Variants in APPL2 observed in about 807,000 individuals in gnomAD.
APPL2 encodes adaptor protein, phosphotyrosine interacting with PH domain and leucine zipper 2, also known as DCC-interacting protein 13-beta.
In APPL2, 84 loss-of-function variants were observed where a neutral mutation model predicts 92.7. The observed-to-expected ratio is 0.91, with a 90% CI of 0.76 to 1.09. The LOEUF (loss-of-function observed/expected upper bound fraction) is 1.09, where lower values mean the gene tolerates loss of function less well. APPL2 is among the 50% of genes least tolerant of loss of function. The pLI is 0.00. For synonymous variants in APPL2, 291 were observed against 291.0 expected (o/e 1.00, Z 0.00); for missense variants, 736 against 824.5 (o/e 0.89, Z 1.31).
At chr12:105,233,078 G>C in intron 1 of APPL2, 1 of 985,042 alleles carries the variant, frequency 1.0e-6, no homozygotes, top group Non-Finnish European at 1.2e-6. Context: ...TACCTCAAAA[G>C]TGTACTACTT....
At chr12:105,216,061 T>G (rs1889662291) in intron 4 of APPL2, among the ~76,000 whole-genome samples, 1 of 152,218 alleles carries the variant, frequency 6.6e-6, no homozygotes, top group South Asian at 2.1e-4. Flanking sequence ...TATTTATATC[T>G]ACCTAATTTT....
rs942223763 is a variant in APPL2, at chr12:105,174,881, G to T, written c.1861-433C>A. ...CTGCTGCTGCTTTTTTTTGGTGGGG[G>T]GGGGGGTGGTGCGGCGGTTGGAGAC... On this transcript the variant is annotated intron_variant, in intron 20 of 20. Coordinates refer to ENST00000258530, the MANE Select transcript of APPL2 (RefSeq NM_018171.5). 7.1e-5 allele frequency among the ~76,000 whole-genome samples: 10 copies of T among 140,698 alleles called. 1 individual carries two copies. The highest frequency in any genetic ancestry group is 1.4e-4 in the Admixed American group (2 of 14,202). The allele number at this position is 140,698 out of a possible 152,430, so 92.3% of individuals were successfully genotyped here.
intron 10 of APPL2, among the ~76,000 whole-genome samples, chr12:105,198,444 C>T (rs998258764): frequency 3.9e-5 from 6 of 152,142 alleles, no homozygotes; most frequent in Non-Finnish European, 8.8e-5. Flanking sequence ...AATCTAGTTC[C>T]TGGCAAATAA....
At chr12:105,206,698 C>T (rs747227652) in intron 8 of APPL2, among the ~76,000 whole-genome samples, 1 of 152,086 alleles carries the variant, frequency 6.6e-6, no homozygotes, top group Non-Finnish European at 1.5e-5. Context: ...CAAGGAGTGC[C>T]GGGAATCCTG....
rs575598086 is a variant in APPL2, at chr12:105,176,447, C to A, written c.1813-365G>T. The A allele has an allele frequency of 6.9e-5, 31 of 451,158 alleles. No individual in the cohort carries two copies. The South Asian group carries it at 1.9e-3, about 28-fold the overall frequency. 27.9% of individuals were successfully genotyped at this position (451,158 alleles called of 1,614,324 possible). A position where few individuals can be genotyped will look rare whatever the true frequency, so the allele number is the denominator to read the frequency against. On this transcript the variant is annotated intron_variant, in intron 19 of 20. Coordinates refer to ENST00000258530, the MANE Select transcript of APPL2 (RefSeq NM_018171.5). ...AAGGATTGGTTAATTGTGATAAATTCTAAGTAGCAGATAGAGTCAAAAGTT... is the reference window on the plus strand; with the variant it reads ...AAGGATTGGTTAATTGTGATAAATTATAAGTAGCAGATAGAGTCAAAAGTT...
In APPL2 at chr12:105,207,115, C is replaced by T. The variant is rs952363101; in HGVS notation, c.567G>A (p.Gln189=). The change falls in exon 8 of 21, where the codon CAG becomes CAA. Residue 189 remains glutamine, a synonymous_variant. Coordinates refer to ENST00000258530, the MANE Select transcript of APPL2 (RefSeq NM_018171.5). The part of the protein sequence containing the change: ...LQYYCALNAL[Q]YRKQMAMMEP... ...CCATCATGGCCATTTGCTTTCTGTA[C>T]TGCAGCGCGTTGAGGGCACAGTAGT... 1.2e-6 allele frequency: 2 copies of T among 1,614,220 alleles called. No homozygotes were observed. Among genetic ancestry groups the T allele is most frequent in the African/African-American group, 1.3e-5 (1 of 75,066 alleles).
chr12:105,176,697 A>G lies in APPL2; in HGVS notation c.1812+179T>C, dbSNP rs910450724. ...ATTCTGGTTGATAGGTATTTTCCACAGAGAAATTTAAATCGAGTTTTCTTT... is the reference window on the plus strand; with the variant it reads ...ATTCTGGTTGATAGGTATTTTCCACGGAGAAATTTAAATCGAGTTTTCTTT... On this transcript the variant is annotated intron_variant, in intron 19 of 20. Transcript: ENST00000258530. 1.7e-5 allele frequency: 13 copies of G among 744,462 alleles called. No homozygotes were observed. The Admixed American group carries it at 2.1e-4, about 12-fold the overall frequency. 46.1% of individuals were successfully genotyped at this position (744,462 alleles called of 1,614,324 possible). A position where few individuals can be genotyped will look rare whatever the true frequency, so the allele number is the denominator to read the frequency against.
intron 4 of APPL2, among the ~76,000 whole-genome samples, chr12:105,214,449 T>G (rs1889485585): frequency 1.3e-5 from 2 of 152,230 alleles, no homozygotes; most frequent in South Asian, 4.1e-4. Flanking sequence ...TTCCCCAACC[T>G]TCCAAAAATC....
intron 2 of APPL2, among the ~76,000 whole-genome samples, chr12:105,225,902 C>T (rs891801020): frequency 1.3e-5 from 2 of 152,166 alleles, no homozygotes; most frequent in Admixed American, 6.5e-5. Flanking sequence ...AGAAATATAC[C>T]GTGTAGTCTG....
intron 4 of APPL2, among the ~76,000 whole-genome samples, chr12:105,212,611 A>G (rs1233636435): frequency 6.6e-6 from 1 of 152,248 alleles, no homozygotes; most frequent in Non-Finnish European, 1.5e-5. Flanking sequence ...TTGGCAATGA[A>G]TACAGTGGAA....
intron 17 of APPL2, among the ~76,000 whole-genome samples, chr12:105,186,273 T>C (rs1886601286): frequency 6.6e-6 from 1 of 152,146 alleles, no homozygotes; most frequent in South Asian, 2.1e-4. Context: ...CCAATGAGCA[T>C]CTCTTTTGAG....
In APPL2 at chr12:105,188,455, A is replaced by C; in HGVS notation, c.1460-8T>G. ...TCTGCTGCAAAAGAGAATCTGGAAG[A>C]CAGCATTTTCCACTCAGGATCTCAT... On this transcript the variant is annotated splice_polypyrimidine_tract_variant and splice_region_variant and intron_variant, in intron 16 of 20. Transcript: ENST00000258530. 2 of 1,613,790 alleles carry C rather than the reference A, an allele frequency of 1.2e-6. No homozygotes were observed. The highest frequency in any genetic ancestry group is 2.2e-5 in the South Asian group (2 of 91,064).
At chr12:105,209,472 G>A (rs1048086362) in intron 5 of APPL2, among the ~76,000 whole-genome samples, 3 of 152,158 alleles carry the variant, frequency 2.0e-5, no homozygotes, top group African/African-American at 7.2e-5. Flanking sequence ...ATTAATGGAG[G>A]CCACTGTCAT....
At chr12:105,196,373 C>T (rs1002584368) in intron 11 of APPL2, among the ~76,000 whole-genome samples, 20 of 150,456 alleles carry the variant, frequency 1.3e-4, no homozygotes, top group Admixed American at 4.6e-4. Context: ...CGTATGGAGG[C>T]CCGGGAATAA....
At chr12:105,180,755 T>G (rs1226073465) in intron 17 of APPL2, among the ~76,000 whole-genome samples, 3 of 152,234 alleles carry the variant, frequency 2.0e-5, no homozygotes, top group Non-Finnish European at 1.5e-5. Flanking sequence ...ACTCATGATT[T>G]GGCTGTTTGT....
chr12:105,192,083 CATG>C (rs1166494255), intron 14 of APPL2, among the ~76,000 whole-genome samples: 1 of 152,140 alleles, frequency 6.6e-6, no homozygotes, highest in Non-Finnish European at 1.5e-5. Flanking sequence ...ATGTCCAAAA[CATG>C]AACTCTTCTT....
At chr12:105,235,080 C>T (rs1891151006) in intron 1 of APPL2, among the ~76,000 whole-genome samples, 1 of 152,140 alleles carries the variant, frequency 6.6e-6, no homozygotes, top group South Asian at 2.1e-4. Flanking sequence ...ATAGGTTAAT[C>T]TTATTCTAAG....
At chr12:105,188,191 T>C (rs2135933948) in intron 17 of APPL2, 82 bp downstream of exon 17, 1 of 1,475,606 alleles carries the variant, frequency 6.8e-7, no homozygotes, top group South Asian at 1.2e-5. Context: ...ATTCCAGTAC[T>C]AACATTTCAG....
At chr12:105,175,747 G>A (rs997353931) in intron 20 of APPL2, among the ~76,000 whole-genome samples, 6 of 133,396 alleles carry the variant, frequency 4.5e-5, no homozygotes, top group Non-Finnish European at 4.7e-5. Flanking sequence ...CACACGGTGG[G>A]TACTTATCTA....
Sources: gnomAD v4.1 joint callset for allele counts (sites outside exome capture counted in the v4.1 genomes callset) on GRCh38, gnomAD v4.1.1 for gene constraint, MANE v1.5 for transcripts, NCBI Gene and HGNC (gene_info 2026-07-23, HGNC 2026-07-21) for gene names.